Variants in CEP131 observed in about 807,000 individuals in gnomAD.
CEP131 encodes centrosomal protein 131.
CEP131 carries 99 observed loss-of-function variants against 136.8 expected under a neutral mutation model. That is an observed-to-expected ratio of 0.72 (90% CI 0.62 to 0.86). CEP131 has a LOEUF of 0.86. Among genes scored for constraint, CEP131 ranks in the 40% least tolerant of loss-of-function variants. The pLI, the probability that CEP131 is intolerant of heterozygous loss-of-function variation, is 0.00. For missense variants in CEP131, 1,459 were observed against 1,463.0 expected (o/e 1.00, Z 0.04); for synonymous variants, 646 against 612.7 (o/e 1.05, Z -0.80).
chr17:81,213,729 G>A (rs952749178), intron 2 of CEP131, among the ~76,000 whole-genome samples: 4 of 152,096 alleles, frequency 2.6e-5, no homozygotes, highest in African/African-American at 9.7e-5. Context: ...GGGGATGGGC[G>A]ACCTCACAGT....
Position 81,196,768 on chromosome 17 carries a change from C to T in CEP131, c.1832G>A (p.Arg611Gln), listed in dbSNP as rs751645104. 26 of 1,591,632 alleles carry T rather than the reference C, an allele frequency of 1.6e-5. No homozygotes were observed. The highest frequency in any genetic ancestry group is 4.5e-5 in the South Asian group (4 of 88,350). The change falls in exon 15 of 26, where the codon CGG becomes CAG. Residue 611 changes from arginine to glutamine, a missense_variant. Physicochemically the swap from Arg to Gln is conservative, Grantham distance 43 (BLOSUM62 1). Transcript: ENST00000450824. ...GTGCTCCCTCTGCCGCTGCAGCTGC[C>T]GGCTCAGCGCCTTCTCTGTCTCCTT... is the stretch of plus-strand genomic sequence containing the variant. ...RVKETEKALS[R>Q]QLQRQREHYE... is the part of the protein sequence containing the mutation.
In CEP131 at chr17:81,197,707, G is replaced by A. The variant is rs760311175; in HGVS notation, c.1647+5C>T. 2 of 1,606,554 alleles carry A rather than the reference G, an allele frequency of 1.2e-6. No homozygotes were observed. Among genetic ancestry groups the A allele is most frequent in the Non-Finnish European group, 1.7e-6 (2 of 1,176,302 alleles). On this transcript the variant is annotated splice_donor_5th_base_variant and intron_variant, in intron 13 of 25. Coordinates refer to ENST00000450824, the MANE Select transcript of CEP131 (RefSeq NM_014984.4). ...GGGGCCGGGTGCGGGCTGGTGAGGG[G>A]CCACCTCCTGCTGGGAGTCCAGCTG...
At chr17:81,193,395 T>C (rs2061685637) in intron 18 of CEP131, among the ~76,000 whole-genome samples, 1 of 152,150 alleles carries the variant, frequency 6.6e-6, no homozygotes, top group Non-Finnish European at 1.5e-5. Flanking sequence ...GCTTCCAGGC[T>C]GTCCTGGTGG....
At chr17:81,217,067 A>G (rs984761500) in intron 2 of CEP131, among the ~76,000 whole-genome samples, 2 of 152,172 alleles carry the variant, frequency 1.3e-5, no homozygotes, top group African/African-American at 4.8e-5. Context: ...GCCATGACAC[A>G]TATGCACAGT....
intron 7 of CEP131, among the ~76,000 whole-genome samples, chr17:81,201,659 G>A (rs1030968468): frequency 6.6e-6 from 1 of 152,196 alleles, no homozygotes; most frequent in Non-Finnish European, 1.5e-5. Context: ...GTGACCATCA[G>A]CACAGTGCAG....
chr17:81,194,195 A>G (rs76300060), intron 17 of CEP131, 68 bp from the exon 18 acceptor site: 86,853 of 1,387,704 alleles, frequency 0.063, 2,997 homozygotes, highest in Middle Eastern at 0.11. Flanking sequence ...ACCCTGGCAC[A>G]AGACCAGCCT....
At chr17:81,198,087 G>A (rs1174431555) in intron 12 of CEP131, 28 bp downstream of exon 12, 1 of 1,534,170 alleles carries the variant, frequency 6.5e-7, no homozygotes, top group Admixed American at 2.0e-5. Flanking sequence ...TGGACAGACT[G>A]TGCAGGGCGG....
intron 21 of CEP131, 118 bp from the exon 22 acceptor site, chr17:81,191,453 TCC>T (rs2146483618): frequency 1.1e-6 from 1 of 925,012 alleles, no homozygotes; most frequent in South Asian, 1.5e-5. Flanking sequence ...CAAGGGGCCT[TCC>T]CCCTCTCCAG....
At chr17:81,214,898 G>A (rs1037849353) in intron 2 of CEP131, among the ~76,000 whole-genome samples, 3 of 151,536 alleles carry the variant, frequency 2.0e-5, no homozygotes, top group African/African-American at 7.3e-5. Context: ...TCAGCCTCCC[G>A]AGTAGCCGCG....
At chr17:81,202,095 T>C (rs11150776) in intron 7 of CEP131, 145 bp downstream of exon 7, 452,010 of 469,508 alleles carry the variant, frequency 0.96, 218,030 homozygotes, top group Non-Finnish European at 0.97. Context: ...AGCGAGACTC[T>C]GTCTCAAAAA....
chr17:81,193,232 C>A (rs1042229045), intron 18 of CEP131, among the ~76,000 whole-genome samples: 1 of 152,242 alleles, frequency 6.6e-6, no homozygotes, highest in African/African-American at 2.4e-5. Context: ...CTGCCTCCGG[C>A]CTGAGGGTGC....
rs77435887 is a variant in CEP131 at position 81,197,073 on chromosome 17, C to T, written c.1648-18G>A. On this transcript the variant is annotated intron_variant, in intron 13 of 25. Coordinates refer to ENST00000450824, the MANE Select transcript of CEP131 (RefSeq NM_014984.4). ...ACCCACCCCTGCAGACACAGCCGAG[C>T]GTCAGGCGGAAGCGGCAGAGGACGG... is the stretch of plus-strand genomic sequence containing the variant. The T allele has an allele frequency of 0.017, 26,084 of 1,577,172 alleles. 356 individuals carry two copies. The highest frequency in any genetic ancestry group is 0.074 in the East Asian group (3,184 of 43,172).
intron 10 of CEP131, 50 bp from the exon 11 acceptor site, chr17:81,199,021 C>T: frequency 6.9e-7 from 1 of 1,450,246 alleles, no homozygotes; most frequent in South Asian, 1.4e-5. Context: ...CCGGGGCGGG[C>T]AGCAACTCTG....
chr17:81,207,266 A>G, intron 3 of CEP131, 27 bp from the exon 4 acceptor site: 2 of 1,606,828 alleles, frequency 1.2e-6, no homozygotes, highest in Non-Finnish European at 1.7e-6. Context: ...GCGGCACACA[A>G]GGAAAGAGTC....
At position 81,194,036 on chromosome 17, in the gene CEP131, C is replaced by G. The variant is rs570281707; in HGVS notation, c.2211G>C (p.Ser737=). The G allele has an allele frequency of 5.1e-6, 8 of 1,580,642 alleles. No individual in the cohort carries two copies. The highest frequency in any genetic ancestry group is 6.9e-6 in the Non-Finnish European group (8 of 1,163,792). The change falls in exon 18 of 26, where the codon TCG becomes TCC. Residue 737 remains serine (S), a synonymous_variant. Transcript: ENST00000450824. ...KSLHEAELLQ[S]DERASQRCLR... is the part of the protein sequence containing the mutation. ...GGCAGCGCTGCGAGGCCCGCTCATCCGACTGCAGCAGCTCCGCCTCGTGCA... is the reference window on the plus strand; with the variant it reads ...GGCAGCGCTGCGAGGCCCGCTCATCGGACTGCAGCAGCTCCGCCTCGTGCA...
chr17:81,194,275 T>C (rs2061706861), intron 17 of CEP131, 148 bp from the exon 18 acceptor site: 2 of 728,668 alleles, frequency 2.7e-6, no homozygotes. Flanking sequence ...CAGCTGAGTC[T>C]TGACGCCCAC....
chr17:81,210,534 C>T (rs546806225), intron 2 of CEP131, among the ~76,000 whole-genome samples: 2 of 152,188 alleles, frequency 1.3e-5, no homozygotes, highest in African/African-American at 4.8e-5. Flanking sequence ...TGGGCCACGG[C>T]ACTCCAGCCT....
At chr17:81,216,664 C>G (rs1224862948) in intron 2 of CEP131, among the ~76,000 whole-genome samples, 1 of 152,232 alleles carries the variant, frequency 6.6e-6, no homozygotes, top group African/African-American at 2.4e-5. Context: ...AGAACAGTGG[C>G]CGCCTAGGAG....
rs761973175 is a variant in CEP131, at chr17:81,196,686, C to G, written c.1899+15G>C. ...CGCGCTGGGTCCGGGCCTCTGCGCT[C>G]CCCGGGCCGCTCACCTGGTCAATGA... On this transcript the variant is annotated intron_variant, in intron 15 of 25. Transcript: ENST00000450824. 6 of 1,598,322 alleles carry G rather than the reference C, an allele frequency of 3.8e-6. No homozygotes were observed. The African/African-American group carries it at 8.0e-5, about 21-fold the overall frequency.
Sources: allele counts gnomAD v4.1 joint callset (sites outside exome capture counted in the v4.1 genomes callset), GRCh38; gene constraint gnomAD v4.1.1; transcripts MANE v1.5; gene names NCBI Gene and HGNC (gene_info 2026-07-23, HGNC 2026-07-21).